The following USP5 variants were observed in gnomAD, a reference collection of about 807,000 sequenced individuals.
USP5 encodes ubiquitin specific peptidase 5.
USP5 carries 24 observed loss-of-function variants against 102.5 expected under a neutral mutation model. That is an observed-to-expected ratio of 0.23 (90% confidence interval 0.17 to 0.33). The LOEUF is 0.33. USP5 is among the 10% of genes least tolerant of loss of function. USP5 has a pLI of 1.00. For synonymous variants in USP5, 460 were observed against 434.8 expected (o/e 1.06, Z -0.72); for missense variants, 753 against 1,122.1 (o/e 0.67, Z 4.70).
rs1043646359 is a variant in USP5 at position 6,856,503 on chromosome 12, G to A, written c.584+53G>A. 1.3e-6 allele frequency: 2 copies of A among 1,568,834 alleles called. No homozygotes were observed. Among genetic ancestry groups the A allele is most frequent in the Non-Finnish European group, 1.7e-6 (2 of 1,157,954 alleles). On this transcript the variant is annotated intron_variant, in intron 5 of 19. Transcript: ENST00000229268. The surrounding 1 kb of genome is among the most constrained non-coding windows in gnomAD (Gnocchi z 5.6). ...ACCACCCCCAGAGCAAGGACAAGGA[G>A]CCCACTTTTCTGGGGGATCTGGTGG...
Position 6,864,374 on chromosome 12 carries a change from C to T in USP5, c.2244+179C>T, listed in dbSNP as rs781875338. ...CTGCGTTCACTGCTGGGTTTTTTGC[C>T]CCAGAACTTGTTAAAAATGTAATGC... On this transcript the variant is annotated intron_variant, in intron 17 of 19. Transcript: ENST00000229268. The surrounding 1 kb of genome is among the most constrained non-coding windows in gnomAD (Gnocchi z 4.8). 6.6e-5 allele frequency among the ~76,000 whole-genome samples: 10 copies of T among 152,128 alleles called. No homozygotes were observed. The highest frequency in any genetic ancestry group is 9.7e-5 in the African/African-American group (4 of 41,414).
chr12:6,858,349 G>A lies in USP5; in HGVS notation c.865-75G>A. Reference sequence around the variant, plus strand: ...TAGGCCACAGTTGAGTATCATCCTAGACTCAGTGAGAGATCGAGGTAAAAA... The same window carrying A: ...TAGGCCACAGTTGAGTATCATCCTAAACTCAGTGAGAGATCGAGGTAAAAA... On this transcript the variant is annotated intron_variant, in intron 7 of 19. Coordinates refer to ENST00000229268, the MANE Select transcript of USP5 (RefSeq NM_001098536.2). The surrounding 1 kb of genome is among the most constrained non-coding windows in gnomAD (Gnocchi z 4.2). 6.7e-7 allele frequency: 1 copy of A among 1,484,354 alleles called. No individual in the cohort carries two copies. The highest frequency in any genetic ancestry group is 1.2e-5 in the South Asian group (1 of 81,142). The allele number at this position is 1,484,354 out of a possible 1,614,324, so 91.9% of individuals were successfully genotyped here.
chr12:6,860,896 AG>A lies in USP5; in HGVS notation c.1345-55del, dbSNP rs1944259046. On this transcript the variant is annotated intron_variant, in intron 11 of 19. Transcript: ENST00000229268. The surrounding 1 kb of genome is among the most constrained non-coding windows in gnomAD (Gnocchi z 5.5). ...TCCCTGACTCTCCCATGAACCTTTC[AG>A]GCCCCATTCTGTTCCCTGGCTGCCC... 1.2e-6 allele frequency: 2 copies of A among 1,603,282 alleles called. No homozygotes were observed. Among genetic ancestry groups the A allele is most frequent in the East Asian group, 4.5e-5 (2 of 44,720 alleles).
At chr12:6,859,581 C>T in intron 9 of USP5, 40 bp downstream of exon 9, 1 of 1,599,712 alleles carries the variant, frequency 6.3e-7, no homozygotes, top group Non-Finnish European at 8.6e-7. Flanking sequence ...TGTTGACAGT[C>T]ATGGCCGTAT....
At position 6,861,687 on chromosome 12, in the gene USP5, C is replaced by T; in HGVS notation, c.1673+70C>T. 1 of 1,380,894 alleles carries T rather than the reference C, an allele frequency of 7.2e-7. No individual in the cohort carries two copies. The highest frequency in any genetic ancestry group is 9.4e-7 in the Non-Finnish European group (1 of 1,059,852). 85.5% of individuals were successfully genotyped at this position (1,380,894 alleles called of 1,614,324 possible). ...GCTATCCCAGAGGATACTTCTGTCT[C>T]TTCCCTGTTCTTTCATCCCTTTGTG... On this transcript the variant is annotated intron_variant, in intron 13 of 19. Coordinates refer to ENST00000229268, the MANE Select transcript of USP5 (RefSeq NM_001098536.2). This position sits in a 1 kb window ranked among gnomAD's most constrained non-coding sequence, Gnocchi z 4.9.
chr12:6,856,264 CA>C lies in USP5; in HGVS notation c.439-40del. 1 of 1,604,222 alleles carries C rather than the reference CA, an allele frequency of 6.2e-7. No homozygotes were observed. Among genetic ancestry groups the C allele is most frequent in the Non-Finnish European group, 8.5e-7 (1 of 1,174,070 alleles). ...CCAAGGGGAAGAGGGGCATGTGGGGCAGGGGGTTGGGTATTGCCTCTGACCC... is the reference window on the plus strand; with the variant it reads ...CCAAGGGGAAGAGGGGCATGTGGGGCGGGGGTTGGGTATTGCCTCTGACCC... On this transcript the variant is annotated intron_variant, in intron 4 of 19. Coordinates refer to ENST00000229268, the MANE Select transcript of USP5 (RefSeq NM_001098536.2). This position sits in a 1 kb window ranked among gnomAD's most constrained non-coding sequence, Gnocchi z 5.6.
rs1944454308 is a variant in USP5 at position 6,866,574 on chromosome 12, C to T, written c.*497C>T. On this transcript the variant is annotated 3_prime_UTR_variant, in exon 20 of 20. Transcript: ENST00000229268. The surrounding 1 kb of genome is among the most constrained non-coding windows in gnomAD (Gnocchi z 4.7). ...AGTCTTTCCCCCACCCTGTCTCTTCCTTGTCCTTCTCTGGAAAATGCCAAA... is the reference window on the plus strand; with the variant it reads ...AGTCTTTCCCCCACCCTGTCTCTTCTTTGTCCTTCTCTGGAAAATGCCAAA... The T allele has an allele frequency of 6.3e-6, 1 of 159,538 alleles. No homozygotes were observed. Among genetic ancestry groups the T allele is most frequent in the African/African-American group, 2.4e-5 (1 of 41,694 alleles). 9.9% of individuals were successfully genotyped at this position (159,538 alleles called of 1,614,324 possible). A position where few individuals can be genotyped will look rare whatever the true frequency, so the allele number is the denominator to read the frequency against.
chr12:6,864,001 G>A lies in USP5; in HGVS notation c.2098+28G>A. On this transcript the variant is annotated intron_variant, in intron 16 of 19. Transcript: ENST00000229268. This position sits in a 1 kb window ranked among gnomAD's most constrained non-coding sequence, Gnocchi z 4.8. ...AGGCTGGGGTGGGGAGCAGGGTGGG[G>A]CAGGGCCTCCATCCTCCCCCAAACA... The A allele has an allele frequency of 6.3e-7, 1 of 1,581,646 alleles. No homozygotes were observed. The highest frequency in any genetic ancestry group is 2.3e-5 in the East Asian group (1 of 44,234).
At position 6,863,131 on chromosome 12, in the gene USP5, G is replaced by C. The variant is rs370584513; in HGVS notation, c.1763-55G>C. On this transcript the variant is annotated intron_variant, in intron 14 of 19. Transcript: ENST00000229268. The surrounding 1 kb of genome is among the most constrained non-coding windows in gnomAD (Gnocchi z 4.7). ...TAGGGGGCAGGGGATTGAGGTTCCC[G>C]AATCACTTTCCAGGTAGGCCTCCGG... 3.9e-6 allele frequency: 6 copies of C among 1,541,412 alleles called. No homozygotes were observed. Among genetic ancestry groups the C allele is most frequent in the Non-Finnish European group, 4.4e-6 (5 of 1,144,322 alleles).
At chr12:6,865,060 C>A in intron 18 of USP5, 104 bp from the exon 19 acceptor site, 1 of 1,302,558 alleles carries the variant, frequency 7.7e-7, no homozygotes, top group Non-Finnish European at 1.1e-6. Context: ...CCTCACATTC[C>A]CTGAAACTCC....
In USP5 at chr12:6,858,280, A is replaced by C. The variant is rs1944177528; in HGVS notation, c.865-144A>C. The C allele has an allele frequency of 1.2e-6, 1 of 807,602 alleles. No individual in the cohort carries two copies. The highest frequency in any genetic ancestry group is 1.9e-6 in the Non-Finnish European group (1 of 526,670). The allele number at this position is 807,602 out of a possible 1,614,324, so 50.0% of individuals were successfully genotyped here. A position where few individuals can be genotyped will look rare whatever the true frequency, so the allele number is the denominator to read the frequency against. Reference sequence around the variant, plus strand: ...CCTTCCAGAACTTGAACTGGACGATACTCAACATACCTCCCATGTTTGAGC... The same window carrying C: ...CCTTCCAGAACTTGAACTGGACGATCCTCAACATACCTCCCATGTTTGAGC... On this transcript the variant is annotated intron_variant, in intron 7 of 19. Transcript: ENST00000229268. This position sits in a 1 kb window ranked among gnomAD's most constrained non-coding sequence, Gnocchi z 4.2.
rs782343776 is a variant in USP5 at position 6,855,988 on chromosome 12, A to G, written c.305-29A>G. ...GACATTGACCTGTTGTCATTGCTCTACTCTCCCTCTTCTTCCCTATCCTTC... is the reference window on the plus strand; with the variant it reads ...GACATTGACCTGTTGTCATTGCTCTGCTCTCCCTCTTCTTCCCTATCCTTC... On this transcript the variant is annotated intron_variant, in intron 3 of 19. Transcript: ENST00000229268. This position sits in a 1 kb window ranked among gnomAD's most constrained non-coding sequence, Gnocchi z 4.6. The G allele has an allele frequency of 6.2e-7, 1 of 1,612,982 alleles. No homozygotes were observed. Among genetic ancestry groups the G allele is most frequent in the Non-Finnish European group, 8.5e-7 (1 of 1,179,610 alleles).
At chr12:6,865,670 CAG>C (rs1429200792) in intron 19 of USP5, among the ~76,000 whole-genome samples, 1 of 152,190 alleles carries the variant, frequency 6.6e-6, no homozygotes, top group Non-Finnish European at 1.5e-5. Flanking sequence ...GTCGTTGTGT[CAG>C]AGACCAGAGA....
In USP5 at chr12:6,865,150, C is replaced by A. The variant is rs374406508; in HGVS notation, c.2399-14C>A. 1.1e-5 allele frequency: 17 copies of A among 1,606,498 alleles called. No homozygotes were observed. Among genetic ancestry groups the A allele is most frequent in the Admixed American group, 1.7e-5 (1 of 59,962 alleles). Reference sequence around the variant, plus strand: ...CTTCTGTTTCCTTCTCTGACCCCCTCTCTCCTTTCCTAGAGTATCAGCTCT... The same window carrying A: ...CTTCTGTTTCCTTCTCTGACCCCCTATCTCCTTTCCTAGAGTATCAGCTCT... On this transcript the variant is annotated splice_polypyrimidine_tract_variant and intron_variant, in intron 18 of 19. Coordinates refer to ENST00000229268, the MANE Select transcript of USP5 (RefSeq NM_001098536.2).
chr12:6,856,904 C>T lies in USP5; in HGVS notation c.769+13C>T, dbSNP rs896308502. The stretch of plus-strand genomic sequence containing the variant: ...CCTGATGGAGCTGGTACAGCCTCCC[C>T]TCCTCCAGCCACTCTCATGCTTAAA... On this transcript the variant is annotated intron_variant, in intron 6 of 19. Coordinates refer to ENST00000229268, the MANE Select transcript of USP5 (RefSeq NM_001098536.2). The surrounding 1 kb of genome is among the most constrained non-coding windows in gnomAD (Gnocchi z 5.6). The T allele has an allele frequency of 2.5e-6, 4 of 1,608,956 alleles. No individual in the cohort carries two copies. Among genetic ancestry groups the T allele is most frequent in the Non-Finnish European group, 2.5e-6 (3 of 1,176,976 alleles).
Position 6,860,557 on chromosome 12 carries a change from T to G in USP5, c.1344+66T>G. 6.2e-7 allele frequency: 1 copy of G among 1,601,926 alleles called. No individual in the cohort carries two copies. Among genetic ancestry groups the G allele is most frequent in the Non-Finnish European group, 8.5e-7 (1 of 1,177,440 alleles). On this transcript the variant is annotated intron_variant, in intron 11 of 19. Coordinates refer to ENST00000229268, the MANE Select transcript of USP5 (RefSeq NM_001098536.2). This position sits in a 1 kb window ranked among gnomAD's most constrained non-coding sequence, Gnocchi z 5.5. ...TTTACTCGCTCTCCTTCCTGCCCAT[T>G]TCTCCCTCTATCAGCCCCAACCCAG...
rs1555128758 is a variant in USP5, at chr12:6,858,231, G to A, written c.865-193G>A. ...CAAGCAGAGGCCCTGATGACTAACGGGCCTCTGGGACAATTATGTGTGGCC... is the reference window on the plus strand; with the variant it reads ...CAAGCAGAGGCCCTGATGACTAACGAGCCTCTGGGACAATTATGTGTGGCC... On this transcript the variant is annotated intron_variant, in intron 7 of 19. Coordinates refer to ENST00000229268, the MANE Select transcript of USP5 (RefSeq NM_001098536.2). This position sits in a 1 kb window ranked among gnomAD's most constrained non-coding sequence, Gnocchi z 4.2. Among the ~76,000 whole-genome samples the A allele has an allele frequency of 6.6e-6, 1 of 152,162 alleles. No homozygotes were observed. The highest frequency in any genetic ancestry group is 1.5e-5 in the Non-Finnish European group (1 of 68,024).
In USP5 at chr12:6,861,142, G is replaced by A; in HGVS notation, c.1498+36G>A. The A allele has an allele frequency of 1.2e-6, 2 of 1,611,822 alleles. No homozygotes were observed. Among genetic ancestry groups the A allele is most frequent in the Non-Finnish European group, 1.7e-6 (2 of 1,179,002 alleles). On this transcript the variant is annotated intron_variant, in intron 12 of 19. Coordinates refer to ENST00000229268, the MANE Select transcript of USP5 (RefSeq NM_001098536.2). The surrounding 1 kb of genome is among the most constrained non-coding windows in gnomAD (Gnocchi z 4.9). Reference sequence around the variant, plus strand: ...CCATCAGCAAGGCCGTGGCACGGTGGGAGGCTAAGGTCTAGGAGGAATGCT... The same window carrying A: ...CCATCAGCAAGGCCGTGGCACGGTGAGAGGCTAAGGTCTAGGAGGAATGCT...
chr12:6,861,113 T>G lies in USP5; in HGVS notation c.1498+7T>G. On this transcript the variant is annotated splice_region_variant and intron_variant, in intron 12 of 19. Transcript: ENST00000229268. The surrounding 1 kb of genome is among the most constrained non-coding windows in gnomAD (Gnocchi z 4.9). The stretch of plus-strand genomic sequence containing the variant: ...GATGCAGCCCTTAACAAAGGTAGGC[T>G]GCTCCATCAGCAAGGCCGTGGCACG... 1 of 1,613,852 alleles carries G rather than the reference T, an allele frequency of 6.2e-7. No individual in the cohort carries two copies. Among genetic ancestry groups the G allele is most frequent in the Non-Finnish European group, 8.5e-7 (1 of 1,179,834 alleles).
Sources: gnomAD v4.1 joint callset for allele counts (sites outside exome capture counted in the v4.1 genomes callset) on GRCh38, gnomAD v4.1.1 for gene constraint, Gnocchi (gnomAD v3.1) non-coding constraint, MANE v1.5 for transcripts, NCBI Gene and HGNC (gene_info 2026-07-23, HGNC 2026-07-21) for gene names.